The following GALNT18 variants were observed in gnomAD, a reference collection of about 807,000 sequenced individuals.
GALNT18 encodes the protein polypeptide N-acetylgalactosaminyltransferase 18.
A neutral mutation model predicts 69.5 loss-of-function variants in GALNT18; 44 were observed. That is an observed-to-expected ratio of 0.63 (90% CI 0.50 to 0.81). The LOEUF (loss-of-function observed/expected upper bound fraction) is 0.81, where lower values mean the gene tolerates loss of function less well. Among genes scored for constraint, GALNT18 ranks in the 40% least tolerant of loss-of-function variants. GALNT18 has a pLI of 0.00. For synonymous variants in GALNT18, 364 were observed against 318.2 expected, an observed-to-expected ratio of 1.14 and a Z score of -1.53; for missense variants, 715 against 810.0, an observed-to-expected ratio of 0.88 and a Z score of 1.42.
At chr11:11,458,140 A>G (rs1855964184) in intron 1 of GALNT18, among the ~76,000 whole-genome samples, 1 of 152,172 alleles carries the variant, frequency 6.6e-6, no homozygotes, top group African/African-American at 2.4e-5. Context: ...CTCTTTGGGA[A>G]AGACCCAGAG....
Position 11,538,262 on chromosome 11 carries a change from C to A in GALNT18, c.235+83097G>T, listed in dbSNP as rs542329541. ...CTCAAGGTCAGTGTTGCGAACAGCC[C>A]GCCCTGCCACCACCATCCCCAGGGC... On this transcript the variant is annotated intron_variant, in intron 1 of 10. Coordinates refer to ENST00000227756, the MANE Select transcript of GALNT18 (RefSeq NM_198516.3). The surrounding 1 kb of genome is among the most constrained non-coding windows in gnomAD (Gnocchi z 5.2). Among the ~76,000 whole-genome samples, 1 of 152,286 alleles carries A rather than the reference C, an allele frequency of 6.6e-6. No individual in the cohort carries two copies. The highest frequency in any genetic ancestry group is 2.4e-5 in the African/African-American group (1 of 41,564).
intron 1 of GALNT18, among the ~76,000 whole-genome samples, chr11:11,478,931 GGTGGC>G (rs2133865713): frequency 1.3e-4 from 1 of 7,528 alleles, no homozygotes; most frequent in Admixed American, 3.3e-3. Context: ...CTCCCGCGGA[GGTGGC>G]ATCTCCCGCG....
At chr11:11,484,009 C>T (rs929044179) in intron 1 of GALNT18, among the ~76,000 whole-genome samples, 5 of 152,052 alleles carry the variant, frequency 3.3e-5, no homozygotes, top group Admixed American at 1.3e-4. Flanking sequence ...ACCCCCTCCC[C>T]GGAAGGACAC....
intron 3 of GALNT18, among the ~76,000 whole-genome samples, chr11:11,412,364 A>T (rs1854750816): frequency 6.6e-6 from 1 of 152,118 alleles, no homozygotes. Context: ...CCTGGTTTGG[A>T]CTATGCTTCA....
At chr11:11,460,280 A>G (rs1856011563) in intron 1 of GALNT18, among the ~76,000 whole-genome samples, 1 of 152,216 alleles carries the variant, frequency 6.6e-6, no homozygotes, top group Non-Finnish European at 1.5e-5. Context: ...CAAGAGTCCA[A>G]TCATTGTGTG....
In GALNT18 at chr11:11,546,658, C is replaced by G. The variant is rs1164210156; in HGVS notation, c.235+74701G>C. 1.3e-5 allele frequency among the ~76,000 whole-genome samples: 2 copies of G among 152,242 alleles called. No individual in the cohort carries two copies. Among genetic ancestry groups the G allele is most frequent in the Non-Finnish European group, 2.9e-5 (2 of 68,048 alleles). On this transcript the variant is annotated intron_variant, in intron 1 of 10. Transcript: ENST00000227756. This position sits in a 1 kb window ranked among gnomAD's most constrained non-coding sequence, Gnocchi z 5.8. ...TAGTGTTATCTACTGTCCACATACT[C>G]TGACCTCTAACCATACAAATACACC...
intron 1 of GALNT18, among the ~76,000 whole-genome samples, chr11:11,575,002 A>C (rs1477193019): frequency 6.6e-6 from 1 of 152,328 alleles, no homozygotes. Flanking sequence ...GGGTTCATCT[A>C]TCTAGCATGT....
intron 9 of GALNT18, among the ~76,000 whole-genome samples, chr11:11,302,524 T>C (rs1436159393): frequency 6.6e-6 from 1 of 152,096 alleles, no homozygotes; most frequent in Non-Finnish European, 1.5e-5. Flanking sequence ...TCAGTGGCTT[T>C]CTCCAGCAAA....
intron 3 of GALNT18, among the ~76,000 whole-genome samples, chr11:11,426,424 A>G (rs1345586601): frequency 1.3e-5 from 2 of 152,228 alleles, no homozygotes; most frequent in East Asian, 3.9e-4. Context: ...AGTGACTCAC[A>G]AAGAATCAGA....
chr11:11,409,793 C>T (rs992714617), intron 3 of GALNT18, among the ~76,000 whole-genome samples: 3 of 152,304 alleles, frequency 2.0e-5, no homozygotes, highest in Middle Eastern at 6.8e-3. Context: ...AGTCCTGAGT[C>T]CCCTCTGCTA....
chr11:11,351,794 T>G (rs1850410748), intron 6 of GALNT18: 1 of 758,268 alleles, frequency 1.3e-6, no homozygotes, highest in Admixed American at 3.0e-5. Context: ...TATAATTTTT[T>G]TTTATGACTG....
intron 9 of GALNT18, among the ~76,000 whole-genome samples, chr11:11,322,633 AT>A (rs1849857336): frequency 6.6e-6 from 1 of 152,246 alleles, no homozygotes; most frequent in African/African-American, 2.4e-5. Flanking sequence ...AATTAAAAAT[AT>A]GGGTAATACC....
chr11:11,595,912 AT>A lies in GALNT18; in HGVS notation c.235+25446del, dbSNP rs145055203. Among the ~76,000 whole-genome samples the A allele has an allele frequency of 0.024, 3,552 of 151,100 alleles. 150 individuals carry two copies. The highest frequency in any genetic ancestry group is 0.081 in the African/African-American group (3,359 of 41,254). On this transcript the variant is annotated intron_variant, in intron 1 of 10. Coordinates refer to ENST00000227756, the MANE Select transcript of GALNT18 (RefSeq NM_198516.3). This position sits in a 1 kb window ranked among gnomAD's most constrained non-coding sequence, Gnocchi z 5.2. ...AAATTTGATCAAATCCAATTTATCC[AT>A]TTTTTTTTGTCACTGTGCTTTTGAT...
At chr11:11,552,332 C>A (rs1459203050) in intron 1 of GALNT18, among the ~76,000 whole-genome samples, 1 of 152,196 alleles carries the variant, frequency 6.6e-6, no homozygotes, top group East Asian at 1.9e-4. Flanking sequence ...CCCCCTACCC[C>A]ATTCTTTCAG....
rs1855299248 is a variant in GALNT18 at position 11,432,694 on chromosome 11, G to T, written c.522C>A (p.Ile174=). The T allele has an allele frequency of 1.2e-6, 2 of 1,613,574 alleles. No homozygotes were observed. The highest frequency in any genetic ancestry group is 2.7e-5 in the African/African-American group (2 of 74,934). The change falls in exon 3 of 11, where the codon ATC becomes ATA. Residue 174 remains isoleucine (I), a synonymous_variant. Transcript: ENST00000227756. This position sits in a 1 kb window ranked among gnomAD's most constrained non-coding sequence, Gnocchi z 5.8. The part of the protein sequence containing the change: ...NEALSVLLRS[I]HSAMERTPPH... ...GGGGCGTGCGTTCCATGGCCGAGTG[G>T]ATGGAGCGCAGCAGCACTGAAAGCG... is the stretch of plus-strand genomic sequence containing the variant.
chr11:11,422,278 G>C lies in GALNT18; in HGVS notation c.595+10343C>G, dbSNP rs1855028090. On this transcript the variant is annotated intron_variant, in intron 3 of 10. Coordinates refer to ENST00000227756, the MANE Select transcript of GALNT18 (RefSeq NM_198516.3). Reference sequence around the variant, plus strand: ...TGGCCATGCCCAAGAGGAACTCTCAGGCCTGGTATAGGATGTGGCAGGCAG... The same window carrying C: ...TGGCCATGCCCAAGAGGAACTCTCACGCCTGGTATAGGATGTGGCAGGCAG... 3.3e-5 allele frequency among the ~76,000 whole-genome samples: 5 copies of C among 152,352 alleles called. No homozygotes were observed. In the South Asian group the frequency reaches 8.3e-4, roughly 25 times the overall value.
At chr11:11,285,739 G>A (rs1424073888) in intron 10 of GALNT18, among the ~76,000 whole-genome samples, 1 of 152,170 alleles carries the variant, frequency 6.6e-6, no homozygotes, top group Non-Finnish European at 1.5e-5. Flanking sequence ...CAGCACTTGG[G>A]GATTGGAGCA....
rs117111620 is a variant in GALNT18, at chr11:11,519,615, A to G, written c.236-70679T>C. 9.2e-5 allele frequency among the ~76,000 whole-genome samples: 14 copies of G among 152,272 alleles called. No individual in the cohort carries two copies. The East Asian group carries it at 1.9e-3, about 21-fold the overall frequency. On this transcript the variant is annotated intron_variant, in intron 1 of 10. Transcript: ENST00000227756. ...GCCAGCCAGGGAAAGCCTGATTTGCATCTTTCTTTCACTCCCCCATCAACT... is the reference window on the plus strand; with the variant it reads ...GCCAGCCAGGGAAAGCCTGATTTGCGTCTTTCTTTCACTCCCCCATCAACT...
Position 11,618,135 on chromosome 11 carries a change from T to A in GALNT18, c.235+3224A>T, listed in dbSNP as rs1860100946. On this transcript the variant is annotated intron_variant, in intron 1 of 10. Coordinates refer to ENST00000227756, the MANE Select transcript of GALNT18 (RefSeq NM_198516.3). The surrounding 1 kb of genome is among the most constrained non-coding windows in gnomAD (Gnocchi z 6.1). ...TCATGACTAGAACAGACCTCTGGGG[T>A]GATGCTCCAAAGCCTCTTCTAATTG... 6.6e-6 allele frequency among the ~76,000 whole-genome samples: 1 copy of A among 152,206 alleles called. No individual in the cohort carries two copies. Among genetic ancestry groups the A allele is most frequent in the African/African-American group, 2.4e-5 (1 of 41,452 alleles).
Sources: gnomAD v4.1 joint callset for allele counts (sites outside exome capture counted in the v4.1 genomes callset) on GRCh38, gnomAD v4.1.1 for gene constraint, Gnocchi (gnomAD v3.1) non-coding constraint, MANE v1.5 for transcripts, NCBI Gene and HGNC (gene_info 2026-07-23, HGNC 2026-07-21) for gene names.